Variants in GRID2 observed in about 807,000 individuals in gnomAD.
The protein encoded by GRID2 is glutamate ionotropic receptor delta type subunit 2.
GRID2 carries 33 observed loss-of-function variants against 114.8 expected under a neutral mutation model. The ratio of observed to expected loss-of-function variants is 0.29; its 90% CI spans 0.22 to 0.38. GRID2 has a LOEUF of 0.38. Ranked by LOEUF, GRID2 falls within the 10% of genes least tolerant of loss-of-function variation. The pLI is 1.00. For synonymous variants in GRID2, 505 were observed against 449.9 expected (o/e 1.12, Z -1.55); for missense variants, 1,184 against 1,257.7 (o/e 0.94, Z 0.89).
chr4:93,653,520 G>A (rs1162839182), intron 14 of GRID2, among the ~76,000 whole-genome samples: 2 of 152,090 alleles, frequency 1.3e-5, no homozygotes, highest in East Asian at 1.9e-4. Context: ...TTTTGTATGT[G>A]TGAAAATTGC....
At chr4:93,167,647 A>C (rs1348211397) in intron 4 of GRID2, among the ~76,000 whole-genome samples, 1 of 152,204 alleles carries the variant, frequency 6.6e-6, no homozygotes, top group Non-Finnish European at 1.5e-5. Context: ...GAAAAACTTA[A>C]CACATAGTAA....
chr4:92,810,543 C>T (rs941958848), intron 2 of GRID2, among the ~76,000 whole-genome samples: 2 of 151,900 alleles, frequency 1.3e-5, no homozygotes, highest in East Asian at 1.9e-4. Context: ...TTCACATTGG[C>T]ACTGTTACTG....
chr4:93,023,119 G>GTGTGTGTA (rs1435580205), intron 2 of GRID2, among the ~76,000 whole-genome samples: 2 of 150,776 alleles, frequency 1.3e-5, no homozygotes, highest in African/African-American at 4.9e-5. Flanking sequence ...GTGTGTGTGT[G>GTGTGTGTA]TGTGTGTATG....
chr4:92,606,728 G>A (rs1053198302), intron 2 of GRID2, among the ~76,000 whole-genome samples: 1 of 151,818 alleles, frequency 6.6e-6, no homozygotes, highest in Non-Finnish European at 1.5e-5. Flanking sequence ...TGAAAAAGAA[G>A]CCCTACCTAA....
chr4:92,454,937 G>A (rs1008680525), intron 1 of GRID2, among the ~76,000 whole-genome samples: 1 of 152,122 alleles, frequency 6.6e-6, no homozygotes, highest in African/African-American at 2.4e-5. Context: ...AACCAAACTA[G>A]AGTATTTAAA....
At chr4:93,731,759 C>T (rs57840617) in intron 14 of GRID2, among the ~76,000 whole-genome samples, 13,435 of 152,142 alleles carry the variant, frequency 0.088, 666 homozygotes, top group African/African-American at 0.13. Context: ...ATCTCTTCTC[C>T]TCTCTAAAAG....
intron 2 of GRID2, among the ~76,000 whole-genome samples, chr4:93,023,781 GAAAT>G (rs1302585807): frequency 6.6e-6 from 1 of 151,682 alleles, no homozygotes; most frequent in East Asian, 1.9e-4. Flanking sequence ...TGAATATAGA[GAAAT>G]AAAGGGTAAA....
intron 4 of GRID2, among the ~76,000 whole-genome samples, chr4:93,186,414 G>A (rs1268101494): frequency 1.3e-5 from 2 of 151,976 alleles, no homozygotes; most frequent in Non-Finnish European, 2.9e-5. Context: ...GTTGTTTCCT[G>A]ACTTTTTAAT....
At chr4:92,453,188 G>A (rs949260106) in intron 1 of GRID2, among the ~76,000 whole-genome samples, 1 of 152,232 alleles carries the variant, frequency 6.6e-6, no homozygotes, top group East Asian at 1.9e-4. Flanking sequence ...GAGGCAGGAA[G>A]AACCATCAAA....
intron 1 of GRID2, among the ~76,000 whole-genome samples, chr4:92,333,230 G>A (rs1008716059): frequency 2.0e-5 from 3 of 152,212 alleles, no homozygotes; most frequent in Non-Finnish European, 4.4e-5. Flanking sequence ...TGTACGTGGT[G>A]ACACAAGCTG....
At chr4:92,760,963 C>A (rs1174873441) in intron 2 of GRID2, among the ~76,000 whole-genome samples, 1 of 151,930 alleles carries the variant, frequency 6.6e-6, no homozygotes, top group African/African-American at 2.4e-5. Context: ...AAGTACTCAC[C>A]CTGCTAGTCA....
At chr4:92,458,032 G>T (rs999265141) in intron 1 of GRID2, among the ~76,000 whole-genome samples, 1 of 152,166 alleles carries the variant, frequency 6.6e-6, no homozygotes, top group Non-Finnish European at 1.5e-5. Flanking sequence ...GTCATGAATT[G>T]TGCATTTAGA....
chr4:92,370,916 C>T (rs1294173811), intron 1 of GRID2, among the ~76,000 whole-genome samples: 1 of 152,096 alleles, frequency 6.6e-6, no homozygotes, highest in South Asian at 2.1e-4. Flanking sequence ...ACGGAACGTT[C>T]TAGAAAGTGC....
At chr4:92,879,727 C>A (rs1458441227) in intron 2 of GRID2, among the ~76,000 whole-genome samples, 1 of 152,160 alleles carries the variant, frequency 6.6e-6, no homozygotes, top group Non-Finnish European at 1.5e-5. Flanking sequence ...GAAAAATAAG[C>A]TTTAATCACA....
chr4:92,893,186 C>T (rs1005031126), intron 2 of GRID2, among the ~76,000 whole-genome samples: 2 of 152,098 alleles, frequency 1.3e-5, no homozygotes, highest in Non-Finnish European at 2.9e-5. Flanking sequence ...AGTATAGTGC[C>T]TACCCTAGTG....
chr4:93,790,122 A>T (rs1734668327), intron 1 of GRID2, among the ~76,000 whole-genome samples: 1 of 59,488 alleles, frequency 1.7e-5, no homozygotes, highest in Non-Finnish European at 3.3e-5. Context: ...CCCCACCCCT[A>T]CCCCGTGCCC....
At chr4:93,250,166 TA>T (rs1034103449) in intron 8 of GRID2, among the ~76,000 whole-genome samples, 1 of 151,916 alleles carries the variant, frequency 6.6e-6, no homozygotes, top group Non-Finnish European at 1.5e-5. Context: ...TATGCAGCCA[TA>T]AAAAAGGATG....
At chr4:92,425,711 T>C (rs1348050305) in intron 1 of GRID2, among the ~76,000 whole-genome samples, 1 of 152,090 alleles carries the variant, frequency 6.6e-6, no homozygotes, top group Admixed American at 6.6e-5. Context: ...TGTAGTTAGA[T>C]TGCCTAGTTT....
At chr4:92,394,226 A>C (rs927762964) in intron 1 of GRID2, among the ~76,000 whole-genome samples, 1 of 152,072 alleles carries the variant, frequency 6.6e-6, no homozygotes, top group African/African-American at 2.4e-5. Context: ...TCCACTTTTT[A>C]TATTGCATTA....
Sources: allele counts gnomAD v4.1 joint callset (sites outside exome capture counted in the v4.1 genomes callset), GRCh38; gene constraint gnomAD v4.1.1; transcripts MANE v1.5; gene names NCBI Gene and HGNC (gene_info 2026-07-23, HGNC 2026-07-21).